The following PWWP3B variants were observed in gnomAD, a reference collection of about 807,000 sequenced individuals.
PWWP3B encodes PWWP domain containing 3B, also known as PWWP domain-containing DNA repair factor 3B.
PWWP3B carries 5 observed loss-of-function variants against 15.7 expected under a neutral mutation model. That is an observed-to-expected ratio of 0.32 (90% confidence interval 0.17 to 0.67). PWWP3B has a LOEUF of 0.67. Among genes scored for constraint, PWWP3B ranks in the 30% least tolerant of loss-of-function variants. PWWP3B has a pLI of 0.74. For synonymous variants in PWWP3B, 203 were observed against 179.8 expected (o/e 1.13, Z -1.03); for missense variants, 519 against 493.1 (o/e 1.05, Z -0.50).
In PWWP3B at chrX:106,206,532, C is replaced by G; in HGVS notation, c.1100C>G (p.Ser367Cys). ...KSLLPSRINL[S>C]LLDDDEEDEE... ...TTGCTTCCAAGTCGCATTAATCTTT[C>G]TCTATTAGATGATGATGAGGAAGAC... Residue 367 changes from serine (S) to cysteine (C), a missense_variant, in exon 4 of 4, where the codon TCT (serine) becomes TGT (cysteine). Physicochemically the swap from Ser to Cys is moderately radical, Grantham distance 112. Coordinates refer to ENST00000357175, the MANE Select transcript of PWWP3B (RefSeq NM_001171020.2). 7 of 1,207,738 alleles carry G rather than the reference C, an allele frequency of 5.8e-6. No individual in the cohort carries two copies. The highest frequency in any genetic ancestry group is 6.7e-6 in the Non-Finnish European group (6 of 893,736).
chrX:106,172,687 C>T (rs1036356404), intron 2 of PWWP3B, among the ~76,000 whole-genome samples: 1 of 110,495 alleles, frequency 9.1e-6, no homozygotes, highest in African/African-American at 3.3e-5. Context: ...GGCTATTTTA[C>T]GGTTAGCATT....
At chrX:106,190,590 C>G (rs144446012) in intron 2 of PWWP3B, among the ~76,000 whole-genome samples, 2 of 111,460 alleles carry the variant, frequency 1.8e-5, no homozygotes, top group Non-Finnish European at 3.8e-5. Context: ...TGCCATTGCT[C>G]TTGGTGTTTT....
At chrX:106,197,489 ATGTC>A (rs1222348757) in intron 2 of PWWP3B, among the ~76,000 whole-genome samples, 1 of 111,745 alleles carries the variant, frequency 8.9e-6, no homozygotes, top group Non-Finnish European at 1.9e-5. Flanking sequence ...GTGGGGTTGT[ATGTC>A]TGTCCCCCAG....
At chrX:106,177,674 T>C (rs1031938940) in intron 2 of PWWP3B, among the ~76,000 whole-genome samples, 4 of 112,553 alleles carry the variant, frequency 3.6e-5, no homozygotes, top group African/African-American at 1.3e-4. Flanking sequence ...GATTTTATTA[T>C]ATTTTGACTT....
chrX:106,192,925 G>A (rs1175707211), intron 2 of PWWP3B, among the ~76,000 whole-genome samples: 1 of 111,430 alleles, frequency 9.0e-6, no homozygotes, highest in Non-Finnish European at 1.9e-5. Flanking sequence ...TATAATTTCT[G>A]TTCTTTTCCA....
intron 2 of PWWP3B, among the ~76,000 whole-genome samples, chrX:106,192,734 A>G (rs780434160): frequency 9.0e-6 from 1 of 110,671 alleles, no homozygotes; most frequent in African/African-American, 3.3e-5. Context: ...AGATTCTGGT[A>G]TGTTGTGTCT....
At chrX:106,199,247 G>A (rs1334033099) in intron 2 of PWWP3B, among the ~76,000 whole-genome samples, 6 of 110,154 alleles carry the variant, frequency 5.4e-5, no homozygotes, top group Admixed American at 3.9e-4. Context: ...TAGTAGAGAC[G>A]GGGTTTCACC....
chrX:106,195,309 G>C (rs1468999147), intron 2 of PWWP3B, among the ~76,000 whole-genome samples: 3 of 111,102 alleles, frequency 2.7e-5, no homozygotes, highest in Non-Finnish European at 5.7e-5. Context: ...CTCCCAATCT[G>C]GGTTTTCTTT....
intron 2 of PWWP3B, among the ~76,000 whole-genome samples, chrX:106,192,679 A>G (rs892988456): frequency 1.8e-5 from 2 of 110,717 alleles, no homozygotes; most frequent in Non-Finnish European, 3.8e-5. Flanking sequence ...GTGGGCATTT[A>G]GTGCTATAAA....
At chrX:106,170,475 A>G (rs976339659) in intron 1 of PWWP3B, among the ~76,000 whole-genome samples, 4 of 112,097 alleles carry the variant, frequency 3.6e-5, no homozygotes, top group Non-Finnish European at 5.6e-5. Flanking sequence ...GAGAATGAAA[A>G]ATTCTAGAAG....
chrX:106,180,263 C>T (rs1290237537), intron 2 of PWWP3B, among the ~76,000 whole-genome samples: 5 of 111,613 alleles, frequency 4.5e-5, no homozygotes, highest in African/African-American at 1.3e-4. Context: ...TCTCACCACC[C>T]TCTCATACAC....
chrX:106,177,684 T>G (rs1921972041), intron 2 of PWWP3B, among the ~76,000 whole-genome samples: 1 of 112,416 alleles, frequency 8.9e-6, no homozygotes, highest in African/African-American at 3.2e-5. Flanking sequence ...TATTTTGACT[T>G]AAACACATTA....
intron 2 of PWWP3B, among the ~76,000 whole-genome samples, chrX:106,197,674 G>A (rs754295419): frequency 7.1e-5 from 8 of 112,201 alleles, no homozygotes; most frequent in African/African-American, 9.7e-5. Context: ...CAAAGCTAAC[G>A]CATGCTTTAC....
At chrX:106,172,026 T>C (rs755568172) in intron 2 of PWWP3B, among the ~76,000 whole-genome samples, 1 of 111,578 alleles carries the variant, frequency 9.0e-6, no homozygotes, top group South Asian at 3.7e-4. Flanking sequence ...ATTATCATTA[T>C]AATAGTATTT....
chrX:106,194,496 G>T lies in PWWP3B; in HGVS notation c.-400-9489G>T, dbSNP rs756783761. ...TTGCCATCGGTTTGAATTTCCTCCT[G>T]TAGCTCGGAGTAGTTTGATCATCTG... On this transcript the variant is annotated intron_variant, in intron 2 of 3. Coordinates refer to ENST00000357175, the MANE Select transcript of PWWP3B (RefSeq NM_001171020.2). Among the ~76,000 whole-genome samples the T allele has an allele frequency of 3.1e-4, 34 of 111,335 alleles. No homozygotes were observed. In the South Asian group the frequency reaches 0.013, roughly 42 times the overall value.
Position 106,172,689 on chromosome X carries a change from G to T in PWWP3B, c.-401+1550G>T, listed in dbSNP as rs759976023. Among the ~76,000 whole-genome samples, 335 of 110,721 alleles carry T rather than the reference G, an allele frequency of 3.0e-3. 3 individuals are homozygous for T. The highest frequency in any genetic ancestry group is 0.01 in the African/African-American group (320 of 30,539). On this transcript the variant is annotated intron_variant, in intron 2 of 3. Transcript: ENST00000357175. ...AGACCTGCTCTGTGGCTATTTTACG[G>T]TTAGCATTTTTTTTTTCTAAGTAGA...
chrX:106,192,315 T>C (rs1287860673), intron 2 of PWWP3B, among the ~76,000 whole-genome samples: 1 of 112,200 alleles, frequency 8.9e-6, no homozygotes, highest in Admixed American at 9.4e-5. Flanking sequence ...CTAGATTTTC[T>C]AGTTTATTTG....
chrX:106,176,023 G>A (rs905990196), intron 2 of PWWP3B, among the ~76,000 whole-genome samples: 1 of 111,684 alleles, frequency 9.0e-6, no homozygotes. Context: ...CATTACAACA[G>A]TACAAGAGGA....
At chrX:106,184,909 T>C (rs1229190030) in intron 2 of PWWP3B, among the ~76,000 whole-genome samples, 1 of 110,849 alleles carries the variant, frequency 9.0e-6, no homozygotes, top group East Asian at 2.8e-4. Context: ...GCTTGCTTCC[T>C]TCTGGGTGGG....
Sources: gnomAD v4.1 joint callset for allele counts (sites outside exome capture counted in the v4.1 genomes callset) on GRCh38, gnomAD v4.1.1 for gene constraint, MANE v1.5 for transcripts, NCBI Gene and HGNC (gene_info 2026-07-23, HGNC 2026-07-21) for gene names.